Variants in MSI2 observed in about 807,000 individuals in gnomAD.
MSI2 encodes the protein RNA-binding protein Musashi homolog 2.
MSI2 carries 17 observed loss-of-function variants against 45.6 expected under a neutral mutation model. The ratio of observed to expected loss-of-function variants is 0.37; its 90% CI spans 0.26 to 0.56. The LOEUF (loss-of-function observed/expected upper bound fraction) is 0.56. Among genes scored for constraint, MSI2 ranks in the 20% least tolerant of loss-of-function variants. The pLI, the probability that MSI2 is intolerant of heterozygous loss-of-function variation, is 0.77. For synonymous variants in MSI2, 156 were observed against 158.2 expected, an observed-to-expected ratio of 0.99 and a Z score of 0.11; for missense variants, 293 against 444.2, an observed-to-expected ratio of 0.66 and a Z score of 3.06.
At chr17:57,631,441 G>A (rs1317587976) in intron 10 of MSI2, 14 of 256,826 alleles carry the variant, frequency 5.5e-5, no homozygotes, top group Non-Finnish European at 7.4e-6. Flanking sequence ...TGTGACATGG[G>A]GCTGCACGGA....
intron 5 of MSI2, among the ~76,000 whole-genome samples, chr17:57,360,900 C>T (rs1000514285): frequency 6.6e-6 from 1 of 152,188 alleles, no homozygotes; most frequent in African/African-American, 2.4e-5. Flanking sequence ...GTAGATGCCA[C>T]ATGGTTAAGG....
At chr17:57,563,754 A>G (rs1343577578) in intron 7 of MSI2, among the ~76,000 whole-genome samples, 2,030 of 144,602 alleles carry the variant, frequency 0.014, 50 homozygotes, top group African/African-American at 0.051. Context: ...GCGCACACAC[A>G]CACACACACA....
At chr17:57,654,903 T>C (rs1911471531) in intron 11 of MSI2, among the ~76,000 whole-genome samples, 1 of 142,890 alleles carries the variant, frequency 7.0e-6, no homozygotes. Context: ...TTTGTCTAGC[T>C]CCAACGTTTG....
intron 7 of MSI2, among the ~76,000 whole-genome samples, chr17:57,584,241 T>A (rs918136145): frequency 1.3e-5 from 2 of 152,246 alleles, no homozygotes; most frequent in Non-Finnish European, 2.9e-5. Flanking sequence ...CCTGGGCTGC[T>A]GGTCACAGCT....
chr17:57,541,696 A>G (rs895739855), intron 7 of MSI2, among the ~76,000 whole-genome samples: 12 of 152,222 alleles, frequency 7.9e-5, no homozygotes, highest in African/African-American at 2.9e-4. Context: ...ATTGATCATT[A>G]TAGCACTCAT....
intron 6 of MSI2, among the ~76,000 whole-genome samples, chr17:57,519,443 G>C (rs2086538854): frequency 6.6e-6 from 1 of 152,078 alleles, no homozygotes; most frequent in Non-Finnish European, 1.5e-5. Flanking sequence ...GGGGAGACTC[G>C]CATGGCTGAG....
chr17:57,462,730 G>T (rs557816875), intron 6 of MSI2, among the ~76,000 whole-genome samples: 4 of 152,318 alleles, frequency 2.6e-5, no homozygotes, highest in African/African-American at 9.6e-5. Context: ...CAACTGAGTT[G>T]AAATTCATCA....
intron 7 of MSI2, among the ~76,000 whole-genome samples, chr17:57,585,113 G>C (rs987190552): frequency 1.3e-5 from 2 of 151,980 alleles, no homozygotes; most frequent in Non-Finnish European, 2.9e-5. Flanking sequence ...CCACCACCAC[G>C]CCCAGCCCTC....
At chr17:57,323,132 A>G (rs1913483915) in intron 5 of MSI2, among the ~76,000 whole-genome samples, 1 of 152,138 alleles carries the variant, frequency 6.6e-6, no homozygotes, top group Non-Finnish European at 1.5e-5. Context: ...GCCAGAAAGA[A>G]AGATCAAAAG....
chr17:57,631,675 G>A (rs189207453), intron 10 of MSI2: 55 of 903,470 alleles, frequency 6.1e-5, no homozygotes, highest in African/African-American at 2.2e-4. Flanking sequence ...TCAGGATCCC[G>A]TCTTGAATTA....
chr17:57,363,186 G>T (rs543293837), intron 5 of MSI2, among the ~76,000 whole-genome samples: 18 of 152,346 alleles, frequency 1.2e-4, no homozygotes, highest in African/African-American at 4.3e-4. Flanking sequence ...CCTTGAAAAG[G>T]AAGGCAATTC....
chr17:57,272,431 A>C (rs1908457088), intron 5 of MSI2, among the ~76,000 whole-genome samples: 1 of 152,172 alleles, frequency 6.6e-6, no homozygotes, highest in Admixed American at 6.5e-5. Flanking sequence ...TCATTTCTGA[A>C]ATGAATTCCA....
rs551373902 is a variant in MSI2 at position 57,474,427 on chromosome 17, T to C, written c.406-55249T>C. On this transcript the variant is annotated intron_variant, in intron 6 of 13. Coordinates refer to ENST00000284073, the MANE Select transcript of MSI2 (RefSeq NM_138962.4). ...TCCTCCACCTCAGCACTACTGACGT[T>C]GGGGGCCAGATGATTCTTTGTCGTG... Among the ~76,000 whole-genome samples, 3 of 152,288 alleles carry C rather than the reference T, an allele frequency of 2.0e-5. No homozygotes were observed. In the South Asian group the frequency reaches 6.2e-4, roughly 32 times the overall value.
chr17:57,643,418 G>T (rs1358673124), intron 10 of MSI2, among the ~76,000 whole-genome samples: 1 of 152,246 alleles, frequency 6.6e-6, no homozygotes, highest in Non-Finnish European at 1.5e-5. Context: ...CCCCGCTGTG[G>T]GCAGGCAGGG....
At chr17:57,635,900 C>T (rs192473369) in intron 10 of MSI2, among the ~76,000 whole-genome samples, 10 of 152,338 alleles carry the variant, frequency 6.6e-5, no homozygotes, top group African/African-American at 2.2e-4. Flanking sequence ...AGGAAGGACT[C>T]ACGGCCTGTC....
chr17:57,487,318 G>T (rs1165061719), intron 6 of MSI2, among the ~76,000 whole-genome samples: 1 of 152,216 alleles, frequency 6.6e-6, no homozygotes, highest in Non-Finnish European at 1.5e-5. Context: ...TTCTGTCCCT[G>T]TGTGCTCCAT....
intron 6 of MSI2, chr17:57,450,258 A>AGAAAGAAAGAAAGAAG (rs1382948271): frequency 2.3e-3 from 6 of 2,638 alleles, no homozygotes; most frequent in Non-Finnish European, 7.0e-3. Context: ...CCCAGCTTAA[A>AGAAAGAAAGAAAGAAG]GAAAGAAAGA....
At chr17:57,640,453 A>C (rs571943630) in intron 10 of MSI2, among the ~76,000 whole-genome samples, 2 of 152,370 alleles carry the variant, frequency 1.3e-5, no homozygotes, top group South Asian at 4.1e-4. Flanking sequence ...GCTCCGCTAC[A>C]GTTATTACCT....
In MSI2 at chr17:57,681,475, T is replaced by A. The variant is rs1202093786; in HGVS notation, c.*1958T>A. On this transcript the variant is annotated 3_prime_UTR_variant, in exon 14 of 14. Coordinates refer to ENST00000284073, the MANE Select transcript of MSI2 (RefSeq NM_138962.4). ...TTATTATAAAGAGCTGCTGCACTCCTATTTTTATAAATTTTACTAACAAAG... is the reference window on the plus strand; with the variant it reads ...TTATTATAAAGAGCTGCTGCACTCCAATTTTTATAAATTTTACTAACAAAG... 2.2e-5 allele frequency: 4 copies of A among 181,226 alleles called. No homozygotes were observed. Among genetic ancestry groups the A allele is most frequent in the Non-Finnish European group, 4.7e-5 (4 of 84,932 alleles). 11.2% of individuals were successfully genotyped at this position (181,226 alleles called of 1,614,324 possible).
Sources: gnomAD v4.1 joint callset for allele counts (sites outside exome capture counted in the v4.1 genomes callset) on GRCh38, gnomAD v4.1.1 for gene constraint, MANE v1.5 for transcripts, NCBI Gene and HGNC (gene_info 2026-07-23, HGNC 2026-07-21) for gene names.